Variants in KCNMA1 observed in about 807,000 individuals in gnomAD.
The protein encoded by KCNMA1 is potassium calcium-activated channel subfamily M alpha 1.
Under a neutral mutation model 140.0 loss-of-function variants are expected in KCNMA1, and 29 were observed. The ratio of observed to expected loss-of-function variants is 0.21; its 90% CI spans 0.15 to 0.28. The LOEUF is 0.28. Among genes scored for constraint, KCNMA1 ranks in the 10% least tolerant of loss-of-function variants. The pLI is 1.00. For missense variants in KCNMA1, 880 were observed against 1,602.2 expected, an observed-to-expected ratio of 0.55 and a Z score of 7.70; for synonymous variants, 612 against 611.9, an observed-to-expected ratio of 1.00 and a Z score of 0.00.
chr10:77,608,394 A>G (rs370390728), intron 1 of KCNMA1, among the ~76,000 whole-genome samples: 20 of 152,072 alleles, frequency 1.3e-4, no homozygotes, highest in Middle Eastern at 3.4e-3. Context: ...GGCTGGTCTC[A>G]AACTCCTGGG....
chr10:76,966,616 C>T (rs909310522), intron 20 of KCNMA1, among the ~76,000 whole-genome samples: 6 of 152,166 alleles, frequency 3.9e-5, no homozygotes, highest in African/African-American at 1.2e-4. Flanking sequence ...GCTATCCTTA[C>T]AAGGCACCAC....
At chr10:76,941,141 AAGGGAAGGGAAGGG>A (rs1485875648) in intron 23 of KCNMA1, among the ~76,000 whole-genome samples, 3 of 80,312 alleles carry the variant, frequency 3.7e-5, no homozygotes, top group African/African-American at 8.2e-5. Flanking sequence ...AAGGGAAGGG[AAGGGAAGGGAAGGG>A]AGGGAAGGGA....
intron 2 of KCNMA1, among the ~76,000 whole-genome samples, chr10:77,270,358 C>T (rs568760354): frequency 2.1e-4 from 32 of 152,292 alleles, no homozygotes; most frequent in Admixed American, 1.0e-3. Flanking sequence ...TCCCGGGGAA[C>T]TGGGAACTGG....
intron 1 of KCNMA1, among the ~76,000 whole-genome samples, chr10:77,443,175 G>A (rs1040585073): frequency 1.3e-5 from 2 of 152,164 alleles, no homozygotes; most frequent in African/African-American, 4.8e-5. Context: ...CAAAAGAGGG[G>A]GAAAGGCTGT....
intron 3 of KCNMA1, among the ~76,000 whole-genome samples, chr10:77,209,397 T>C (rs1264261520): frequency 6.6e-6 from 1 of 152,180 alleles, no homozygotes; most frequent in Non-Finnish European, 1.5e-5. Flanking sequence ...ATGTACCAAA[T>C]TCTTGGTTTC....
At chr10:77,281,019 G>T (rs993048813) in intron 2 of KCNMA1, among the ~76,000 whole-genome samples, 1 of 152,208 alleles carries the variant, frequency 6.6e-6, no homozygotes, top group Non-Finnish European at 1.5e-5. Context: ...AACAGCAAGA[G>T]ATGTTAGAAC....
chr10:77,023,029 TG>T, intron 16 of KCNMA1: 1 of 436,502 alleles, frequency 2.3e-6, no homozygotes. Context: ...TACGTGCAAT[TG>T]GCTAGCGGGG....
intron 2 of KCNMA1, among the ~76,000 whole-genome samples, chr10:77,296,969 A>C (rs2075332191): frequency 1.3e-5 from 2 of 151,896 alleles, no homozygotes; most frequent in Admixed American, 1.3e-4. Flanking sequence ...GCTTTGGGAA[A>C]GCCGTTTGTG....
At chr10:77,059,423 C>T (rs1043647812) in intron 14 of KCNMA1, among the ~76,000 whole-genome samples, 2 of 151,904 alleles carry the variant, frequency 1.3e-5, no homozygotes, top group Admixed American at 1.3e-4. Context: ...CTAATATACA[C>T]CAAAAAACAA....
intron 16 of KCNMA1, among the ~76,000 whole-genome samples, chr10:77,024,066 G>C (rs756396865): frequency 2.0e-5 from 3 of 152,158 alleles, no homozygotes; most frequent in Non-Finnish European, 4.4e-5. Flanking sequence ...TATGGGATGG[G>C]GAACAGAGAG....
At chr10:77,531,906 C>G (rs928951190) in intron 1 of KCNMA1, among the ~76,000 whole-genome samples, 5 of 152,212 alleles carry the variant, frequency 3.3e-5, no homozygotes, top group Non-Finnish European at 5.9e-5. Flanking sequence ...GCAGAGTCAG[C>G]AGCCCCAGGC....
chr10:77,589,555 G>A (rs1030739563), intron 1 of KCNMA1, among the ~76,000 whole-genome samples: 2 of 152,166 alleles, frequency 1.3e-5, no homozygotes, highest in African/African-American at 4.8e-5. Flanking sequence ...CAAAGTGTGT[G>A]TACATCCTAC....
chr10:77,152,312 T>TGTGTGTGTGTGTG (rs2098430227), intron 5 of KCNMA1, among the ~76,000 whole-genome samples: 1 of 98,522 alleles, frequency 1.0e-5, no homozygotes, highest in African/African-American at 3.8e-5. Flanking sequence ...GTGTGTGTTG[T>TGTGTGTGTGTGTG]TGCTGTTGTC....
intron 14 of KCNMA1, among the ~76,000 whole-genome samples, chr10:77,058,761 G>A (rs1039040286): frequency 6.6e-6 from 1 of 151,890 alleles, no homozygotes; most frequent in Non-Finnish European, 1.5e-5. Context: ...CTAAAGCAGG[G>A]ACCAGGAAGA....
chr10:77,396,083 G>T (rs546456844), intron 2 of KCNMA1, among the ~76,000 whole-genome samples: 2 of 152,256 alleles, frequency 1.3e-5, no homozygotes, highest in African/African-American at 4.8e-5. Flanking sequence ...TTATCATATG[G>T]TTCCTTTAAA....
At chr10:76,897,747 CTAAT>C (rs924658100) in intron 25 of KCNMA1, among the ~76,000 whole-genome samples, 17 of 151,392 alleles carry the variant, frequency 1.1e-4, no homozygotes, top group African/African-American at 3.6e-4. Flanking sequence ...AATGTCAAAA[CTAAT>C]TATTAAAAAA....
intron 3 of KCNMA1, among the ~76,000 whole-genome samples, chr10:77,232,228 G>C (rs191109920): frequency 6.6e-6 from 1 of 152,148 alleles, no homozygotes; most frequent in Non-Finnish European, 1.5e-5. Context: ...ATGTTCAAGC[G>C]CAAGTTTTGT....
intron 5 of KCNMA1, among the ~76,000 whole-genome samples, chr10:77,153,275 A>G (rs984008272): frequency 5.9e-5 from 9 of 152,214 alleles, no homozygotes; most frequent in African/African-American, 2.2e-4. Context: ...TTTACCCAGA[A>G]AAGCATTCCA....
chr10:76,950,935 G>A (rs1299874368), intron 21 of KCNMA1, among the ~76,000 whole-genome samples: 1 of 152,164 alleles, frequency 6.6e-6, no homozygotes, highest in Non-Finnish European at 1.5e-5. Context: ...TCCTGCAGAA[G>A]ACCTGGAGTT....
Sources: allele counts gnomAD v4.1 joint callset (sites outside exome capture counted in the v4.1 genomes callset), GRCh38; gene constraint gnomAD v4.1.1; transcripts MANE v1.5; gene names NCBI Gene and HGNC (gene_info 2026-07-23, HGNC 2026-07-21).